The following CNTN5 variants were observed in gnomAD, a reference collection of about 807,000 sequenced individuals.
CNTN5 encodes contactin-5.
Under a neutral mutation model 129.1 loss-of-function variants are expected in CNTN5, and 77 were observed. The ratio of observed to expected loss-of-function variants is 0.60; its 90% CI spans 0.50 to 0.72. CNTN5 has a LOEUF of 0.72. Among genes scored for constraint, CNTN5 ranks in the 30% least tolerant of loss-of-function variants. The pLI is 0.00. For missense variants in CNTN5, 1,478 were observed against 1,328.8 expected, an observed-to-expected ratio of 1.11 and a Z score of -1.75; for synonymous variants, 509 against 465.6, an observed-to-expected ratio of 1.09 and a Z score of -1.20.
intron 7 of CNTN5, among the ~76,000 whole-genome samples, chr11:99,952,090 A>G (rs1410924559): frequency 6.6e-6 from 1 of 152,202 alleles, no homozygotes; most frequent in African/African-American, 2.4e-5. Context: ...ATCAAGGTAC[A>G]CATCAGCATT....
At chr11:99,925,178 A>G (rs544166375) in intron 7 of CNTN5, among the ~76,000 whole-genome samples, 12 of 152,296 alleles carry the variant, frequency 7.9e-5, no homozygotes, top group African/African-American at 2.6e-4. Context: ...CATATCCATC[A>G]GGGGGAATAC....
chr11:99,427,765 CAAAAA>C (rs36085825), intron 2 of CNTN5, among the ~76,000 whole-genome samples: 1 of 32,364 alleles, frequency 3.1e-5, no homozygotes, highest in Non-Finnish European at 6.9e-5. Context: ...GACTCAGTCT[CAAAAA>C]AAAAAAAAAA....
At chr11:99,908,385 C>A (rs571367432) in intron 6 of CNTN5, among the ~76,000 whole-genome samples, 35 of 152,044 alleles carry the variant, frequency 2.3e-4, no homozygotes, top group Non-Finnish European at 4.9e-4. Flanking sequence ...ACATCCTTTT[C>A]TCATCATAAT....
intron 1 of CNTN5, among the ~76,000 whole-genome samples, chr11:99,042,856 C>T (rs150343238): frequency 0.014 from 2,080 of 148,940 alleles, 76 homozygotes; most frequent in African/African-American, 0.051. Flanking sequence ...GAAGAATTCA[C>T]GTTTTCATTG....
chr11:99,494,374 C>A (rs969776168), intron 2 of CNTN5, among the ~76,000 whole-genome samples: 4 of 152,164 alleles, frequency 2.6e-5, no homozygotes, highest in African/African-American at 9.7e-5. Context: ...TAAAATATAT[C>A]CATTTGTCTA....
intron 1 of CNTN5, among the ~76,000 whole-genome samples, chr11:99,303,163 T>C (rs910941414): frequency 6.6e-6 from 1 of 151,818 alleles, no homozygotes; most frequent in Non-Finnish European, 1.5e-5. Context: ...TAGAATCCAA[T>C]TGACCTTGTA....
chr11:99,795,129 C>CT (rs565895914), intron 3 of CNTN5, among the ~76,000 whole-genome samples: 2 of 152,086 alleles, frequency 1.3e-5, no homozygotes, highest in Admixed American at 6.5e-5. Flanking sequence ...CTTCTTCATT[C>CT]TTTTTTCTTT....
chr11:99,133,738 A>G (rs1414966017), intron 1 of CNTN5, among the ~76,000 whole-genome samples: 1 of 152,176 alleles, frequency 6.6e-6, no homozygotes, highest in African/African-American at 2.4e-5. Flanking sequence ...AATGGCGATT[A>G]TTAAAAAGTC....
chr11:99,402,250 C>T (rs72987849), intron 2 of CNTN5, among the ~76,000 whole-genome samples: 320 of 152,076 alleles, frequency 2.1e-3, no homozygotes, highest in Non-Finnish European at 3.7e-3. Context: ...TCCTTCTATC[C>T]CCAGTTTTTT....
intron 3 of CNTN5, among the ~76,000 whole-genome samples, chr11:99,586,170 A>G (rs1949786260): frequency 6.6e-6 from 1 of 152,058 alleles, no homozygotes; most frequent in Non-Finnish European, 1.5e-5. Context: ...TTCTCTTTCA[A>G]CCCATCCTGA....
At chr11:99,636,706 C>T (rs994451906) in intron 3 of CNTN5, among the ~76,000 whole-genome samples, 3 of 151,660 alleles carry the variant, frequency 2.0e-5, no homozygotes, top group African/African-American at 4.8e-5. Context: ...AGCATAGTAA[C>T]CTGTTAGGTT....
rs914763266 is a variant in CNTN5 at position 99,220,416 on chromosome 11, G to A, written c.-209-104930G>A. 4.6e-5 allele frequency among the ~76,000 whole-genome samples: 7 copies of A among 151,720 alleles called. No homozygotes were observed. In the Admixed American group the frequency reaches 4.6e-4, roughly 10 times the overall value. On this transcript the variant is annotated intron_variant, in intron 1 of 24. Coordinates refer to ENST00000524871, the MANE Select transcript of CNTN5 (RefSeq NM_014361.4). ...GCTTACATAAATATTACTGCCACAA[G>A]GAACTATGAATTACGATGTAGGAAA...
intron 1 of CNTN5, among the ~76,000 whole-genome samples, chr11:99,094,097 C>T (rs916556394): frequency 1.3e-5 from 2 of 151,986 alleles, no homozygotes; most frequent in African/African-American, 4.8e-5. Context: ...AATCCCTTAT[C>T]ACTACCACCA....
At chr11:99,137,790 C>A (rs924980039) in intron 1 of CNTN5, among the ~76,000 whole-genome samples, 3 of 150,488 alleles carry the variant, frequency 2.0e-5, no homozygotes, top group Non-Finnish European at 4.4e-5. Flanking sequence ...CCCCTAGAAA[C>A]TTCATAAGTA....
chr11:100,302,608 A>T (rs769445406), intron 20 of CNTN5, among the ~76,000 whole-genome samples: 4 of 151,506 alleles, frequency 2.6e-5, no homozygotes, highest in Non-Finnish European at 5.9e-5. Context: ...TTCACAGCCG[A>T]CACCAAGCTG....
chr11:100,034,187 T>A (rs1941864792), intron 9 of CNTN5, among the ~76,000 whole-genome samples: 1 of 152,188 alleles, frequency 6.6e-6, no homozygotes, highest in Admixed American at 6.5e-5. Context: ...ATGTGTAAGC[T>A]GGATGAAATG....
intron 7 of CNTN5, among the ~76,000 whole-genome samples, chr11:99,919,042 T>G (rs1949866617): frequency 6.6e-6 from 1 of 152,158 alleles, no homozygotes; most frequent in Non-Finnish European, 1.5e-5. Context: ...GTAGCAGGGA[T>G]AAGCTGCATT....
intron 3 of CNTN5, among the ~76,000 whole-genome samples, chr11:99,782,814 T>C (rs1043224891): frequency 1.3e-5 from 2 of 151,722 alleles, no homozygotes; most frequent in African/African-American, 4.8e-5. Context: ...TTACACCTTA[T>C]ACAAAAATCA....
At chr11:99,132,240 A>T (rs1314788717) in intron 1 of CNTN5, among the ~76,000 whole-genome samples, 1 of 151,912 alleles carries the variant, frequency 6.6e-6, no homozygotes, top group African/African-American at 2.4e-5. Context: ...TAAACTAGGT[A>T]TTGAAAGAAC....
Sources: allele counts gnomAD v4.1 joint callset (sites outside exome capture counted in the v4.1 genomes callset), GRCh38; gene constraint gnomAD v4.1.1; transcripts MANE v1.5; gene names NCBI Gene and HGNC (gene_info 2026-07-23, HGNC 2026-07-21).